STXBP5: variants seen among roughly 807,000 people sequenced by gnomAD.
The protein encoded by STXBP5 is syntaxin-binding protein 5.
A neutral mutation model predicts 152.4 loss-of-function variants in STXBP5; 50 were observed. That is an observed-to-expected ratio of 0.33 (90% CI 0.26 to 0.42). The LOEUF (loss-of-function observed/expected upper bound fraction) is 0.42, where lower values mean the gene tolerates loss of function less well. Among genes scored for constraint, STXBP5 ranks in the 10% least tolerant of loss-of-function variants. The pLI is 1.00. For missense variants in STXBP5, 1,167 were observed against 1,388.6 expected, an observed-to-expected ratio of 0.84 and a Z score of 2.54; for synonymous variants, 492 against 494.7, an observed-to-expected ratio of 0.99 and a Z score of 0.07.
chr6:147,233,096 G>A (rs1007079778), intron 2 of STXBP5, among the ~76,000 whole-genome samples: 4 of 151,504 alleles, frequency 2.6e-5, no homozygotes, highest in South Asian at 2.1e-4. Context: ...TTCTTATCAG[G>A]TAGATCACCT....
intron 2 of STXBP5, among the ~76,000 whole-genome samples, chr6:147,224,779 T>C (rs1415579569): frequency 6.6e-6 from 1 of 152,230 alleles, no homozygotes; most frequent in East Asian, 1.9e-4. Flanking sequence ...ATTGTTTTTA[T>C]GTTCACACAA....
intron 2 of STXBP5, among the ~76,000 whole-genome samples, chr6:147,216,829 A>G (rs1777193970): frequency 1.3e-5 from 2 of 152,202 alleles, no homozygotes; most frequent in Non-Finnish European, 2.9e-5. Context: ...TTTTATATTA[A>G]TCTTCATTTG....
At chr6:147,311,864 C>G (rs117453595) in intron 11 of STXBP5, among the ~76,000 whole-genome samples, 1 of 152,138 alleles carries the variant, frequency 6.6e-6, no homozygotes, top group Non-Finnish European at 1.5e-5. Context: ...TTTAGGCTTT[C>G]TACGTCTACT....
intron 22 of STXBP5, among the ~76,000 whole-genome samples, chr6:147,357,139 C>T (rs1370274297): frequency 6.6e-6 from 1 of 152,060 alleles, no homozygotes; most frequent in Non-Finnish European, 1.5e-5. Context: ...CAAATGTACT[C>T]TAAGTGTCAT....
chr6:147,364,239 C>G, intron 25 of STXBP5, 73 bp downstream of exon 25: 2 of 1,352,604 alleles, frequency 1.5e-6, no homozygotes, highest in Non-Finnish European at 2.0e-6. Flanking sequence ...ACTGTCTGCC[C>G]CTTATTCTCA....
chr6:147,206,851 C>T (rs1241642945), intron 2 of STXBP5, among the ~76,000 whole-genome samples: 2 of 151,916 alleles, frequency 1.3e-5, no homozygotes, highest in African/African-American at 2.4e-5. Context: ...GACTCACTTT[C>T]TATTTTTATG....
intron 16 of STXBP5, among the ~76,000 whole-genome samples, chr6:147,316,768 G>GTCTT (rs1554297508): frequency 1.3e-5 from 2 of 151,354 alleles, no homozygotes; most frequent in Non-Finnish European, 1.5e-5. Flanking sequence ...TGAAAATTCT[G>GTCTT]TTTAAGTCTT....
intron 1 of STXBP5, 73 bp from the exon 2 acceptor site, chr6:147,205,898 G>A: frequency 9.0e-7 from 1 of 1,111,938 alleles, no homozygotes; most frequent in South Asian, 1.3e-5. Context: ...AAATTCTAAC[G>A]CCTCTATTGA....
At chr6:147,231,526 A>G (rs770580358) in intron 2 of STXBP5, among the ~76,000 whole-genome samples, 2 of 151,928 alleles carry the variant, frequency 1.3e-5, no homozygotes, top group Non-Finnish European at 2.9e-5. Context: ...AGATAGGAAT[A>G]TTGTATTATC....
intron 21 of STXBP5, among the ~76,000 whole-genome samples, chr6:147,341,075 G>A (rs967516945): frequency 1.7e-4 from 26 of 152,014 alleles, no homozygotes; most frequent in African/African-American, 5.3e-4. Context: ...GAACCTTTCA[G>A]TGTGTTTTTT....
chr6:147,370,284 C>A (rs1469950848), intron 25 of STXBP5, among the ~76,000 whole-genome samples: 2 of 152,014 alleles, frequency 1.3e-5, no homozygotes, highest in African/African-American at 4.8e-5. Context: ...CAGAAGGACA[C>A]TTGAGAGTGA....
intron 8 of STXBP5, among the ~76,000 whole-genome samples, chr6:147,289,347 C>T (rs556393860): frequency 2.0e-5 from 3 of 152,240 alleles, no homozygotes; most frequent in Non-Finnish European, 2.9e-5. Flanking sequence ...ACTTTAAGAT[C>T]GCTTTGTCCA....
At chr6:147,314,066 T>C (rs1191537565) in intron 12 of STXBP5, 35 bp downstream of exon 12, 12 of 1,545,454 alleles carry the variant, frequency 7.8e-6, no homozygotes, top group South Asian at 1.2e-5. Context: ...TAATGTTATA[T>C]TTCTTATTTA....
chr6:147,260,873 G>A (rs1779609775), intron 5 of STXBP5, 124 bp downstream of exon 5: 2 of 1,236,708 alleles, frequency 1.6e-6, no homozygotes, highest in Non-Finnish European at 2.2e-6. Context: ...TTAATATTAA[G>A]TACAGATTTA....
At chr6:147,232,497 TCTA>T (rs1778054967) in intron 2 of STXBP5, among the ~76,000 whole-genome samples, 1 of 151,882 alleles carries the variant, frequency 6.6e-6, no homozygotes, top group South Asian at 2.1e-4. Context: ...GAGTTTTTCT[TCTA>T]CTGCATAGGG....
intron 16 of STXBP5, among the ~76,000 whole-genome samples, chr6:147,317,307 C>T (rs1782693131): frequency 6.6e-6 from 1 of 152,024 alleles, no homozygotes; most frequent in African/African-American, 2.4e-5. Flanking sequence ...GCACTCACAC[C>T]AAAGATAAAA....
At chr6:147,322,566 T>C (rs1017886477) in intron 16 of STXBP5, among the ~76,000 whole-genome samples, 1 of 152,188 alleles carries the variant, frequency 6.6e-6, no homozygotes, top group African/African-American at 2.4e-5. Flanking sequence ...ACCTCTGAGT[T>C]TGGTGGCAGG....
intron 2 of STXBP5, among the ~76,000 whole-genome samples, chr6:147,215,620 C>G (rs1386078019): frequency 6.6e-6 from 1 of 152,100 alleles, no homozygotes; most frequent in Non-Finnish European, 1.5e-5. Context: ...GAGCTCAAAC[C>G]ATCCGCCCAC....
intron 9 of STXBP5, chr6:147,293,511 C>T (rs1781379239): frequency 6.6e-6 from 1 of 152,222 alleles, no homozygotes; most frequent in African/African-American, 2.4e-5. Flanking sequence ...CAGCACTCAT[C>T]TTTTTCCTGT....
Sources: gnomAD v4.1 joint callset for allele counts (sites outside exome capture counted in the v4.1 genomes callset) on GRCh38, gnomAD v4.1.1 for gene constraint, MANE v1.5 for transcripts, NCBI Gene and HGNC (gene_info 2026-07-23, HGNC 2026-07-21) for gene names.